The following ITGA8 variants were observed in gnomAD, a reference collection of about 807,000 sequenced individuals.
ITGA8 encodes the protein integrin subunit alpha 8.
ITGA8 carries 91 observed loss-of-function variants against 142.3 expected under a neutral mutation model. The observed-to-expected ratio is 0.64, with a 90% confidence interval of 0.54 to 0.76. The LOEUF is 0.76. Ranked by LOEUF, ITGA8 falls within the 30% of genes least tolerant of loss-of-function variation. The pLI, the probability that ITGA8 is intolerant of heterozygous loss-of-function variation, is 0.00. For missense variants in ITGA8, 1,406 were observed against 1,327.7 expected, an observed-to-expected ratio of 1.06 and a Z score of -0.92; for synonymous variants, 505 against 485.2, an observed-to-expected ratio of 1.04 and a Z score of -0.54.
chr10:15,645,995 T>G (rs1833975232), intron 12 of ITGA8, among the ~76,000 whole-genome samples: 1 of 152,310 alleles, frequency 6.6e-6, no homozygotes, highest in African/African-American at 2.4e-5. Context: ...ACATAACCCA[T>G]GTAGGCTGAT....
intron 12 of ITGA8, among the ~76,000 whole-genome samples, chr10:15,645,092 C>CAA (rs1168510743): frequency 0.016 from 753 of 46,340 alleles, 34 homozygotes; most frequent in African/African-American, 0.031. Context: ...GACTCTGTCT[C>CAA]AAAAAAAAAA....
At chr10:15,615,934 G>A (rs935890812) in intron 14 of ITGA8, among the ~76,000 whole-genome samples, 1 of 152,154 alleles carries the variant, frequency 6.6e-6, no homozygotes, top group Admixed American at 6.6e-5. Context: ...CGTTATAAAT[G>A]TTGTTTTTAT....
chr10:15,605,846 T>G (rs1350656603), intron 18 of ITGA8, 55 bp from the exon 19 acceptor site: 1 of 1,512,080 alleles, frequency 6.6e-7, no homozygotes, highest in Admixed American at 1.7e-5. Flanking sequence ...ATTCACATCC[T>G]TTTTCTTGAA....
At chr10:15,612,124 A>G (rs1447962351) in intron 15 of ITGA8, among the ~76,000 whole-genome samples, 1 of 152,120 alleles carries the variant, frequency 6.6e-6, no homozygotes, top group Non-Finnish European at 1.5e-5. Flanking sequence ...ATACTATTTT[A>G]TGGTTTTAAC....
chr10:15,588,531 T>A (rs1248934420), intron 22 of ITGA8, among the ~76,000 whole-genome samples: 3 of 152,238 alleles, frequency 2.0e-5, no homozygotes, highest in Non-Finnish European at 4.4e-5. Flanking sequence ...TTTTACTTAT[T>A]GTAGACTTTA....
intron 13 of ITGA8, among the ~76,000 whole-genome samples, chr10:15,635,257 A>G (rs1311910030): frequency 1.3e-5 from 2 of 151,994 alleles, no homozygotes; most frequent in East Asian, 3.9e-4. Context: ...TGCCCGCCTC[A>G]ACCTCCAAAA....
rs142421819 is a variant in ITGA8, at chr10:15,522,082, C to T, written c.2983-2670G>A. 5.8e-3 allele frequency among the ~76,000 whole-genome samples: 880 copies of T among 152,126 alleles called. 6 individuals are homozygous for T. The highest frequency in any genetic ancestry group is 0.021 in the African/African-American group (852 of 41,466). On this transcript the variant is annotated intron_variant, in intron 28 of 29. Transcript: ENST00000378076. The stretch of plus-strand genomic sequence containing the variant: ...AATTTATTATCTATTTCAAAATAGC[C>T]AGAAGAGATTTGAAATGTTCCCAAC...
chr10:15,579,186 A>G (rs1283752292), intron 23 of ITGA8, among the ~76,000 whole-genome samples: 1 of 152,112 alleles, frequency 6.6e-6, no homozygotes, highest in South Asian at 2.1e-4. Context: ...AAAGAGTTTT[A>G]CTATGTAAAT....
At chr10:15,541,246 TG>T (rs1833563350) in intron 27 of ITGA8, among the ~76,000 whole-genome samples, 1 of 152,198 alleles carries the variant, frequency 6.6e-6, no homozygotes, top group South Asian at 2.1e-4. Context: ...CAGTGTCACC[TG>T]TCACCTGAAA....
chr10:15,636,065 G>A (rs1236179068), intron 13 of ITGA8, among the ~76,000 whole-genome samples: 2 of 152,140 alleles, frequency 1.3e-5, no homozygotes, highest in Non-Finnish European at 2.9e-5. Flanking sequence ...GACAATGATA[G>A]TCTTGGCCTT....
At chr10:15,647,653 G>A (rs1236398904) in intron 11 of ITGA8, among the ~76,000 whole-genome samples, 4 of 150,350 alleles carry the variant, frequency 2.7e-5, no homozygotes, top group Admixed American at 2.6e-4. Context: ...TAGTAGAGAC[G>A]GGGTTTCACC....
intron 27 of ITGA8, among the ~76,000 whole-genome samples, chr10:15,546,532 G>T (rs150692003): frequency 2.1e-4 from 32 of 152,254 alleles, no homozygotes; most frequent in African/African-American, 7.0e-4. Context: ...GTCACACCTG[G>T]GGTGAGGGTG....
intron 27 of ITGA8, among the ~76,000 whole-genome samples, chr10:15,545,139 A>T (rs189786739): frequency 9.2e-5 from 14 of 152,196 alleles, no homozygotes; most frequent in Non-Finnish European, 1.8e-4. Context: ...TTATGCACCA[A>T]TAGATAACTA....
intron 15 of ITGA8, among the ~76,000 whole-genome samples, chr10:15,611,786 G>C (rs1288056939): frequency 2.8e-5 from 4 of 141,502 alleles, no homozygotes; most frequent in Admixed American, 7.5e-5. Context: ...GCCCCAAACA[G>C]AACTCTTAAT....
Position 15,599,085 on chromosome 10 carries a change from A to ATTT in ITGA8, c.2119-1789_2119-1787dup, listed in dbSNP as rs3041566. On this transcript the variant is annotated intron_variant, in intron 20 of 29. Transcript: ENST00000378076. ...TTCAAGGATTTAGTTTCTATAGTAA[A>ATTT]TTTTTTTTTTTAAATCTCACCTAAA... Among the ~76,000 whole-genome samples the ATTT allele has an allele frequency of 2.8e-4, 43 of 150,908 alleles. 1 individual carries two copies. Among genetic ancestry groups the ATTT allele is most frequent in the East Asian group, 1.2e-3 (6 of 5,104 alleles).
At chr10:15,657,509 CA>C (rs1162710051) in intron 10 of ITGA8, among the ~76,000 whole-genome samples, 31 of 116,524 alleles carry the variant, frequency 2.7e-4, no homozygotes, top group African/African-American at 5.1e-4. Flanking sequence ...TCTTTTCTTT[CA>C]TTTTTTTTTT....
chr10:15,546,044 C>T (rs11812542), intron 27 of ITGA8, among the ~76,000 whole-genome samples: 1,644 of 152,292 alleles, frequency 0.011, 25 homozygotes, highest in African/African-American at 0.038. Context: ...GGCCTTTGCA[C>T]AGCTCGTTGT....
intron 27 of ITGA8, among the ~76,000 whole-genome samples, chr10:15,543,393 A>C (rs966373686): frequency 3.9e-5 from 6 of 152,190 alleles, no homozygotes; most frequent in African/African-American, 1.2e-4. Flanking sequence ...CCCTGTGTTT[A>C]CTCACACACT....
chr10:15,620,882 T>C (rs558746664), intron 13 of ITGA8, among the ~76,000 whole-genome samples: 1 of 152,360 alleles, frequency 6.6e-6, no homozygotes, highest in African/African-American at 2.4e-5. Context: ...AGTGTGTATA[T>C]TTATGTGTGC....
Sources: allele counts gnomAD v4.1 joint callset (sites outside exome capture counted in the v4.1 genomes callset), GRCh38; gene constraint gnomAD v4.1.1; transcripts MANE v1.5; gene names NCBI Gene and HGNC (gene_info 2026-07-23, HGNC 2026-07-21).